The following DLGAP2 variants were observed in gnomAD, a reference collection of about 807,000 sequenced individuals.
DLGAP2 encodes DLG associated protein 2.
A neutral mutation model predicts 100.3 loss-of-function variants in DLGAP2; 26 were observed. The observed-to-expected ratio is 0.26, with a 90% CI of 0.19 to 0.36. The LOEUF (loss-of-function observed/expected upper bound fraction) is 0.36, where lower values mean the gene tolerates loss of function less well. DLGAP2 is among the 10% of genes least tolerant of loss of function. The pLI is 1.00. For synonymous variants in DLGAP2, 886 were observed against 630.1 expected (o/e 1.41, Z -6.08); for missense variants, 1,858 against 1,453.2 (o/e 1.28, Z -4.53).
At chr8:1,182,059 C>T (rs1404086582) in intron 2 of DLGAP2, among the ~76,000 whole-genome samples, 2 of 152,340 alleles carry the variant, frequency 1.3e-5, no homozygotes, top group Non-Finnish European at 2.9e-5. Context: ...GCGTAAGAGC[C>T]ATGTGCCTGA....
intron 3 of DLGAP2, among the ~76,000 whole-genome samples, chr8:1,376,827 C>T (rs956070284): frequency 6.8e-6 from 1 of 147,084 alleles, no homozygotes; most frequent in Non-Finnish European, 1.5e-5. Flanking sequence ...GTTCTTCTTG[C>T]TACTGCAAGC....
chr8:1,087,495 C>G (rs1261859638), intron 2 of DLGAP2, among the ~76,000 whole-genome samples: 1 of 152,062 alleles, frequency 6.6e-6, no homozygotes, highest in African/African-American at 2.4e-5. Context: ...TTTGTAATCT[C>G]AGACATTTTG....
At chr8:971,090 C>A (rs570324460) in intron 2 of DLGAP2, among the ~76,000 whole-genome samples, 2 of 152,266 alleles carry the variant, frequency 1.3e-5, no homozygotes, top group Non-Finnish European at 2.9e-5. Flanking sequence ...AAATTCAGGA[C>A]TTATTTAGAT....
rs60089073 is a variant in DLGAP2, at chr8:1,548,852, C to T, written c.399C>T (p.His133=). ...SPADSCPGGR[H]RCSPRSSVHS... Reference sequence around the variant, plus strand: ...CCGACAGCTGCCCCGGGGGGCGCCACCGCTGCTCGCCGCGCAGCTCGGTGC... The same window carrying T: ...CCGACAGCTGCCCCGGGGGGCGCCATCGCTGCTCGCCGCGCAGCTCGGTGC... Residue 133 remains histidine (H), a synonymous_variant, in exon 5 of 15, where the codon CAC becomes CAT. Coordinates refer to ENST00000637795, the MANE Select transcript of DLGAP2 (RefSeq NM_001346810.2). 1.8e-3 allele frequency: 2,838 copies of T among 1,581,822 alleles called. 79 individuals are homozygous for T. The East Asian group carries it at 0.048, about 27-fold the overall frequency.
At chr8:1,053,250 T>G (rs2701908) in intron 2 of DLGAP2, among the ~76,000 whole-genome samples, 1 of 152,032 alleles carries the variant, frequency 6.6e-6, no homozygotes, top group East Asian at 1.9e-4. Context: ...GCCAGTCTAT[T>G]TGGGCAAATT....
chr8:1,013,719 AGAC>A lies in DLGAP2; in HGVS notation c.73+105758_73+105760del, dbSNP rs1435017597. 6.8e-4 allele frequency among the ~76,000 whole-genome samples: 33 copies of A among 48,428 alleles called. 1 individual carries two copies. The highest frequency in any genetic ancestry group is 2.0e-3 in the African/African-American group (10 of 5,016). 31.8% of individuals were successfully genotyped at this position (48,428 alleles called of 152,430 possible). On this transcript the variant is annotated intron_variant, in intron 2 of 14. Transcript: ENST00000637795. ...CCTCCATTGTGTGTATGACCAGGAC[AGAC>A]GACGCCTCCACTGTGTGTGTGACCA...
At chr8:1,679,456 A>G (rs908385941) in intron 12 of DLGAP2, among the ~76,000 whole-genome samples, 1 of 146,736 alleles carries the variant, frequency 6.8e-6, no homozygotes, top group African/African-American at 2.5e-5. Flanking sequence ...TCACCACCAA[A>G]GGTCTCACTC....
chr8:1,566,971 A>G (rs1370420128), intron 6 of DLGAP2, among the ~76,000 whole-genome samples: 1 of 152,244 alleles, frequency 6.6e-6, no homozygotes, highest in Non-Finnish European at 1.5e-5. Flanking sequence ...TGCCCAGCCC[A>G]GGCCCATCCA....
intron 3 of DLGAP2, among the ~76,000 whole-genome samples, chr8:1,500,618 G>C (rs1799688145): frequency 6.6e-6 from 1 of 152,252 alleles, no homozygotes; most frequent in African/African-American, 2.4e-5. Context: ...TCAGGGACCA[G>C]TTAAATCAAG....
At chr8:1,239,684 C>T (rs1441129140) in intron 2 of DLGAP2, among the ~76,000 whole-genome samples, 1 of 19,214 alleles carries the variant, frequency 5.2e-5, no homozygotes, top group Admixed American at 4.6e-4. Flanking sequence ...TCACACATAG[C>T]GTCATGTCTA....
At chr8:1,269,168 C>T (rs530596292) in intron 3 of DLGAP2, among the ~76,000 whole-genome samples, 6 of 152,344 alleles carry the variant, frequency 3.9e-5, no homozygotes, top group Admixed American at 6.5e-5. Flanking sequence ...GGGCCATGTT[C>T]GTTGCTGCTT....
intron 2 of DLGAP2, among the ~76,000 whole-genome samples, chr8:975,483 A>G (rs539827751): frequency 7.1e-4 from 108 of 152,318 alleles, no homozygotes; most frequent in African/African-American, 2.5e-3. Flanking sequence ...ATAAACATAG[A>G]TGTGGAGATC....
intron 8 of DLGAP2, among the ~76,000 whole-genome samples, chr8:1,634,639 A>G (rs1192542469): frequency 6.6e-6 from 1 of 152,222 alleles, no homozygotes; most frequent in African/African-American, 2.4e-5. Context: ...GGTCCAAGAG[A>G]TCATTACTCA....
chr8:842,115 C>G (rs1049580219), intron 1 of DLGAP2, among the ~76,000 whole-genome samples: 3 of 152,190 alleles, frequency 2.0e-5, no homozygotes, highest in African/African-American at 7.2e-5. Context: ...CATTCTTTCC[C>G]TTCTGGTAAT....
intron 6 of DLGAP2, among the ~76,000 whole-genome samples, chr8:1,595,992 AG>A (rs1446574445): frequency 3.9e-5 from 6 of 151,946 alleles, no homozygotes. Flanking sequence ...ATTTAGCATT[AG>A]GTGTAACCCC....
chr8:1,668,246 A>G, intron 8 of DLGAP2, 83 bp from the exon 9 acceptor site: 1 of 1,300,062 alleles, frequency 7.7e-7, no homozygotes, highest in Non-Finnish European at 1.0e-6. Flanking sequence ...CGTCAACCAC[A>G]GGGCATGGGC....
chr8:907,545 C>G (rs796078608), intron 1 of DLGAP2, among the ~76,000 whole-genome samples: 22 of 152,300 alleles, frequency 1.4e-4, no homozygotes, highest in African/African-American at 5.1e-4. Context: ...TTTCCAGGCT[C>G]TAATTGCGCC....
chr8:986,982 A>G (rs562092328), intron 2 of DLGAP2, among the ~76,000 whole-genome samples: 8 of 152,314 alleles, frequency 5.3e-5, no homozygotes, highest in Admixed American at 3.9e-4. Flanking sequence ...GTAATGTGGT[A>G]TCATTTAATG....
At chr8:1,663,725 A>AACTTACAGTTGAGTTTTTACC (rs1798473069) in intron 8 of DLGAP2, among the ~76,000 whole-genome samples, 1 of 152,150 alleles carries the variant, frequency 6.6e-6, no homozygotes, top group African/African-American at 2.4e-5. Context: ...AGTGAAACTC[A>AACTTACAGTTGAGTTTTTACC]ACTGCAGGGA....
Sources: gnomAD v4.1 joint callset for allele counts (sites outside exome capture counted in the v4.1 genomes callset) on GRCh38, gnomAD v4.1.1 for gene constraint, MANE v1.5 for transcripts, NCBI Gene and HGNC (gene_info 2026-07-23, HGNC 2026-07-21) for gene names.